Variants in MTSS1 observed in about 807,000 individuals in gnomAD.
MTSS1 encodes the protein MTSS I-BAR domain containing 1.
In MTSS1, 18 loss-of-function variants were observed where a neutral mutation model predicts 79.0. The observed-to-expected ratio is 0.23, with a 90% CI of 0.16 to 0.34. The LOEUF (loss-of-function observed/expected upper bound fraction) is 0.34. MTSS1 is among the 10% of genes least tolerant of loss of function. The probability of loss-of-function intolerance (pLI) is 1.00; values close to 1 mark genes in which losing one functional copy is unlikely to be tolerated. For synonymous variants in MTSS1, 341 were observed against 368.6 expected (o/e 0.93, Z 0.86); for missense variants, 815 against 986.2 (o/e 0.83, Z 2.33).
intron 1 of MTSS1, among the ~76,000 whole-genome samples, chr8:124,707,066 T>C (rs1336880945): frequency 1.3e-5 from 2 of 152,058 alleles, no homozygotes; most frequent in Non-Finnish European, 2.9e-5. Context: ...CAAGACACGA[T>C]GAAAAGCTTT....
At chr8:124,585,404 C>T (rs891218231) in intron 5 of MTSS1, among the ~76,000 whole-genome samples, 2 of 147,556 alleles carry the variant, frequency 1.4e-5, no homozygotes, top group African/African-American at 2.5e-5. Flanking sequence ...TGAAGGGAGG[C>T]TCCGTTTGGG....
chr8:124,556,531 G>T, intron 11 of MTSS1, 126 bp from the exon 12 acceptor site: 1 of 1,075,070 alleles, frequency 9.3e-7, no homozygotes, highest in Non-Finnish European at 1.3e-6. Context: ...GCTGGGACAA[G>T]CCACAGGCCC....
intron 6 of MTSS1, among the ~76,000 whole-genome samples, chr8:124,580,812 C>G (rs937190439): frequency 1.3e-5 from 2 of 152,080 alleles, no homozygotes; most frequent in African/African-American, 4.8e-5. Context: ...AATGACCACC[C>G]CTAGAGAAGA....
Position 124,584,824 on chromosome 8 carries a change from C to T in MTSS1, c.460+263G>A, listed in dbSNP as rs555061214. Among the ~76,000 whole-genome samples the T allele has an allele frequency of 7.6e-4, 116 of 152,220 alleles. 1 individual carries two copies. Among genetic ancestry groups the T allele is most frequent in the Middle Eastern group, 6.8e-3 (2 of 294 alleles). Reference sequence around the variant, plus strand: ...TCTAAGAAATTTATAGGTATCATTACGAAGCACAATAGGCATGGAAACTGT... The same window carrying T: ...TCTAAGAAATTTATAGGTATCATTATGAAGCACAATAGGCATGGAAACTGT... On this transcript the variant is annotated intron_variant, in intron 6 of 13. Coordinates refer to ENST00000518547, the MANE Select transcript of MTSS1 (RefSeq NM_014751.6).
chr8:124,693,784 C>T (rs970885010), intron 3 of MTSS1, among the ~76,000 whole-genome samples: 6 of 152,182 alleles, frequency 3.9e-5, no homozygotes, highest in African/African-American at 1.4e-4. Flanking sequence ...CCTCCACTTC[C>T]TTTGTACTCA....
intron 3 of MTSS1, among the ~76,000 whole-genome samples, chr8:124,626,287 G>A (rs1814643459): frequency 6.6e-6 from 1 of 152,134 alleles, no homozygotes; most frequent in Admixed American, 6.5e-5. Context: ...TACACACAAA[G>A]CACTGGCCTG....
At chr8:124,630,465 A>T (rs548732084) in intron 3 of MTSS1, among the ~76,000 whole-genome samples, 97 of 152,354 alleles carry the variant, frequency 6.4e-4, no homozygotes, top group Non-Finnish European at 1.1e-3. Flanking sequence ...CTTGTGACTC[A>T]GGGGGCCTAT....
chr8:124,573,600 C>T (rs1421969420), intron 6 of MTSS1, among the ~76,000 whole-genome samples: 3 of 152,202 alleles, frequency 2.0e-5, no homozygotes, highest in Non-Finnish European at 1.5e-5. Context: ...ATTGATACAA[C>T]GTGACCAAGT....
intron 3 of MTSS1, 23 bp downstream of exon 3, chr8:124,699,503 G>T: frequency 6.2e-7 from 1 of 1,612,072 alleles, no homozygotes; most frequent in Non-Finnish European, 8.5e-7. Flanking sequence ...GTTAACACTG[G>T]GAGTCAGCCT....
chr8:124,723,958 G>A (rs1424763606), intron 1 of MTSS1, among the ~76,000 whole-genome samples: 1 of 152,154 alleles, frequency 6.6e-6, no homozygotes, highest in Non-Finnish European at 1.5e-5. Context: ...TCTTCTCTAG[G>A]CTGAACCACA....
At chr8:124,659,066 AT>A (rs1217528179) in intron 3 of MTSS1, among the ~76,000 whole-genome samples, 6 of 152,218 alleles carry the variant, frequency 3.9e-5, no homozygotes, top group African/African-American at 1.4e-4. Context: ...GTTTTAGAGG[AT>A]ACCTCTTAAT....
At chr8:124,664,868 AT>A (rs1401533722) in intron 3 of MTSS1, among the ~76,000 whole-genome samples, 1 of 152,104 alleles carries the variant, frequency 6.6e-6, no homozygotes, top group Non-Finnish European at 1.5e-5. Context: ...AGACTATTCT[AT>A]TTCATTGTTT....
chr8:124,706,085 T>C (rs958839422), intron 1 of MTSS1, among the ~76,000 whole-genome samples: 1 of 152,152 alleles, frequency 6.6e-6, no homozygotes, highest in African/African-American at 2.4e-5. Context: ...ATTAAGTATA[T>C]TTTTTCAAAA....
chr8:124,555,295 G>A (rs1001239272), intron 13 of MTSS1, among the ~76,000 whole-genome samples: 1 of 152,072 alleles, frequency 6.6e-6, no homozygotes, highest in Admixed American at 6.5e-5. Context: ...ACCCGGGCTG[G>A]AGTGCAGTGG....
At chr8:124,586,001 C>G (rs548999154) in intron 5 of MTSS1, among the ~76,000 whole-genome samples, 1 of 152,264 alleles carries the variant, frequency 6.6e-6, no homozygotes, top group East Asian at 1.9e-4. Flanking sequence ...ACCACAAACA[C>G]CTCAGAGGGG....
chr8:124,712,327 G>A lies in MTSS1; in HGVS notation c.73-8136C>T, dbSNP rs139214715. On this transcript the variant is annotated intron_variant, in intron 1 of 13. Coordinates refer to ENST00000518547, the MANE Select transcript of MTSS1 (RefSeq NM_014751.6). ...CCAACAGCATCCTTCCTCTTCTTCC[G>A]CTGGGTATACCCTGGATGAGCTCAG... Among the ~76,000 whole-genome samples, 157 of 152,256 alleles carry A rather than the reference G, an allele frequency of 1.0e-3. 1 individual carries two copies. The East Asian group carries it at 0.011, about 11-fold the overall frequency.
Position 124,553,007 on chromosome 8 carries a change from G to A in MTSS1, c.2253C>T (p.Ala751=), listed in dbSNP as rs1822774503. The A allele has an allele frequency of 6.2e-7, 1 of 1,613,038 alleles. No homozygotes were observed. The highest frequency in any genetic ancestry group is 8.5e-7 in the Non-Finnish European group (1 of 1,179,054). The change falls in exon 14 of 14, where the codon GCC becomes GCT. Residue 751 remains alanine, a synonymous_variant. Coordinates refer to ENST00000518547, the MANE Select transcript of MTSS1 (RefSeq NM_014751.6). This position sits in a 1 kb window ranked among gnomAD's most constrained non-coding sequence, Gnocchi z 6.0. ...TCTTGTGAACCTAAGAAAAGCGAGGGGCTGAGCGATCGTTTGTCGTGGTCT... is the reference window on the plus strand; with the variant it reads ...TCTTGTGAACCTAAGAAAAGCGAGGAGCTGAGCGATCGTTTGTCGTGGTCT... ...LKKTTTNDRS[A]PRFS is the part of the protein sequence containing the mutation.
At chr8:124,672,659 A>G (rs1824461879) in intron 3 of MTSS1, among the ~76,000 whole-genome samples, 1 of 152,074 alleles carries the variant, frequency 6.6e-6, no homozygotes, top group Non-Finnish European at 1.5e-5. Flanking sequence ...ATTTAAAAAA[A>G]AATAGCTGGG....
chr8:124,617,715 C>A (rs1471949144), intron 3 of MTSS1, among the ~76,000 whole-genome samples: 1 of 152,120 alleles, frequency 6.6e-6, no homozygotes, highest in East Asian at 1.9e-4. Flanking sequence ...TCAGAGTGGA[C>A]CTGGAGCTCA....
Sources: allele counts gnomAD v4.1 joint callset (sites outside exome capture counted in the v4.1 genomes callset), GRCh38; gene constraint gnomAD v4.1.1; non-coding constraint Gnocchi (gnomAD v3.1); transcripts MANE v1.5; gene names NCBI Gene and HGNC (gene_info 2026-07-23, HGNC 2026-07-21).